PEMT: variants seen among roughly 807,000 people sequenced by gnomAD.
The protein encoded by PEMT is phosphatidylethanolamine N-methyltransferase.
In PEMT, 23 loss-of-function variants were observed where a neutral mutation model predicts 27.4. The observed-to-expected ratio is 0.84, with a 90% confidence interval of 0.60 to 1.19. The LOEUF (loss-of-function observed/expected upper bound fraction) is 1.19. PEMT is among the 50% of genes most tolerant of loss of function. The pLI is 0.00. For synonymous variants in PEMT, 137 were observed against 139.1 expected, an observed-to-expected ratio of 0.98 and a Z score of 0.11; for missense variants, 307 against 310.1, an observed-to-expected ratio of 0.99 and a Z score of 0.07.
intron 2 of PEMT, among the ~76,000 whole-genome samples, chr17:17,567,887 A>G (rs920075551): frequency 1.3e-5 from 2 of 152,236 alleles, no homozygotes; most frequent in African/African-American, 4.8e-5. Flanking sequence ...CTGGCAGAGG[A>G]CGACGCTTTC....
rs1212327046 is a variant in PEMT, at chr17:17,509,481, G to A, written c.531C>T (p.Asn177=). Residue 177 remains asparagine, a synonymous_variant, in exon 5 of 7, where the codon AAC becomes AAT. Transcript: ENST00000255389. The part of the protein sequence containing the change: ...VTVFPFNILD[N]PMYWGSTANY... Reference sequence around the variant, plus strand: ...TGGCTGTGCTTCCCCAGTACATGGGGTTGTCCAGGATGTTGAAGGGGAACA... The same window carrying A: ...TGGCTGTGCTTCCCCAGTACATGGGATTGTCCAGGATGTTGAAGGGGAACA... The A allele has an allele frequency of 1.9e-6, 3 of 1,614,020 alleles. No homozygotes were observed. Among genetic ancestry groups the A allele is most frequent in the East Asian group, 2.2e-5 (1 of 44,886 alleles).
chr17:17,575,038 T>C (rs11078389), intron 2 of PEMT, among the ~76,000 whole-genome samples: 85,901 of 152,136 alleles, frequency 0.56, 24,583 homozygotes, highest in Middle Eastern at 0.61. Flanking sequence ...AACAAATGAC[T>C]GCCAACTTAG....
chr17:17,568,690 A>G (rs1218882392), intron 2 of PEMT, among the ~76,000 whole-genome samples: 1 of 152,240 alleles, frequency 6.6e-6, no homozygotes, highest in Non-Finnish European at 1.5e-5. Context: ...AACGAGCCAT[A>G]GACCGCTGGC....
At chr17:17,573,912 G>C (rs1264500911) in intron 2 of PEMT, among the ~76,000 whole-genome samples, 3 of 152,080 alleles carry the variant, frequency 2.0e-5, no homozygotes, top group African/African-American at 7.2e-5. Flanking sequence ...CAACCCAGTA[G>C]CTGGGACTAC....
chr17:17,554,933 G>T (rs1199406405), intron 2 of PEMT, among the ~76,000 whole-genome samples: 1 of 152,026 alleles, frequency 6.6e-6, no homozygotes, highest in Non-Finnish European at 1.5e-5. Context: ...TTTTTTAAAG[G>T]TCCCACAGCA....
intron 1 of PEMT, among the ~76,000 whole-genome samples, chr17:17,587,680 AC>A (rs1445992463): frequency 2.6e-5 from 4 of 152,014 alleles, no homozygotes; most frequent in Admixed American, 6.6e-5. Context: ...CTGGCCAACA[AC>A]CCTGTCGCTA....
chr17:17,550,980 T>A (rs956249247), intron 2 of PEMT, among the ~76,000 whole-genome samples: 1 of 152,254 alleles, frequency 6.6e-6, no homozygotes, highest in Non-Finnish European at 1.5e-5. Context: ...AGATCTTGCA[T>A]GTACCTGCCC....
chr17:17,555,396 C>T (rs1019801124), intron 2 of PEMT, among the ~76,000 whole-genome samples: 1 of 152,240 alleles, frequency 6.6e-6, no homozygotes, highest in Non-Finnish European at 1.5e-5. Flanking sequence ...TCCCGAGCCT[C>T]GGCTCCCACC....
rs1531100 is a variant in PEMT, at chr17:17,561,514, G to A, written c.204+15406C>T. 0.45 allele frequency among the ~76,000 whole-genome samples: 67,970 copies of A among 152,010 alleles called. 15,764 individuals are homozygous for A. The highest frequency in any genetic ancestry group is 0.52 in the Middle Eastern group (153 of 294). The stretch of plus-strand genomic sequence containing the variant: ...GCCCGAGGGGGAAGCGGACGGTAAG[G>A]CTGGAGGTAGGAAGAGGGAACAGAC... On this transcript the variant is annotated intron_variant, in intron 2 of 6. Coordinates refer to ENST00000255389, the MANE Select transcript of PEMT (RefSeq NM_148172.3). The surrounding 1 kb of genome is among the most constrained non-coding windows in gnomAD (Gnocchi z 4.5).
chr17:17,584,522 G>T (rs1181653555), intron 1 of PEMT, among the ~76,000 whole-genome samples: 1 of 152,002 alleles, frequency 6.6e-6, no homozygotes, highest in Non-Finnish European at 1.5e-5. Context: ...GCCCAGTTTG[G>T]TCTGGAACTC....
At chr17:17,585,800 G>A (rs749101001) in intron 1 of PEMT, among the ~76,000 whole-genome samples, 1 of 151,680 alleles carries the variant, frequency 6.6e-6, no homozygotes, top group Admixed American at 6.6e-5. Flanking sequence ...AAAATTTGTC[G>A]GGCCGGGCGC....
chr17:17,524,611 A>T (rs1597888088), intron 2 of PEMT, among the ~76,000 whole-genome samples: 1 of 151,282 alleles, frequency 6.6e-6, no homozygotes, highest in African/African-American at 2.5e-5. Context: ...AAAAAAAAAA[A>T]AAAATAATAA....
rs1691124833 is a variant in PEMT, at chr17:17,523,020, TCTG to T, written c.205-628_205-626del. On this transcript the variant is annotated intron_variant, in intron 2 of 6. Transcript: ENST00000255389. This position sits in a 1 kb window ranked among gnomAD's most constrained non-coding sequence, Gnocchi z 4.8. The stretch of plus-strand genomic sequence containing the variant: ...TTTGTTTTTTTTCAAACTAATCACA[TCTG>T]GAATCTCAACATCTGGCCACCAACG... Among the ~76,000 whole-genome samples the T allele has an allele frequency of 6.6e-6, 1 of 152,084 alleles. No homozygotes were observed. Among genetic ancestry groups the T allele is most frequent in the African/African-American group, 2.4e-5 (1 of 41,406 alleles).
chr17:17,553,780 T>G (rs1487105339), intron 2 of PEMT, among the ~76,000 whole-genome samples: 3 of 152,256 alleles, frequency 2.0e-5, no homozygotes, highest in Non-Finnish European at 4.4e-5. Flanking sequence ...CGTGGAAAGC[T>G]GAGCCAAATC....
Position 17,505,777 on chromosome 17 carries a change from C to CT in PEMT, c.*13dup, listed in dbSNP as rs1567654235. 3.1e-6 allele frequency: 5 copies of CT among 1,606,034 alleles called. No homozygotes were observed. The East Asian group carries it at 1.1e-4, about 36-fold the overall frequency. On this transcript the variant is annotated 3_prime_UTR_variant, in exon 7 of 7. Coordinates refer to ENST00000255389, the MANE Select transcript of PEMT (RefSeq NM_148172.3). ...GAGGCTGGCCAGGCCTTCAGCAAAG[C>CT]TGTTGCAGCTCAATCAGCTCCTCTT...
intron 2 of PEMT, among the ~76,000 whole-genome samples, chr17:17,555,387 C>A (rs150659051): frequency 1.3e-3 from 203 of 152,332 alleles, no homozygotes; most frequent in African/African-American, 4.7e-3. Context: ...CGGCCCACCT[C>A]CCGAGCCTCG....
intron 3 of PEMT, chr17:17,518,264 GC>G: frequency 1.8e-6 from 1 of 565,476 alleles, no homozygotes; most frequent in Non-Finnish European, 2.2e-6. Context: ...GCCCGTTCGA[GC>G]CCTGCCTGGC....
chr17:17,534,802 G>A (rs1164197817), intron 2 of PEMT, among the ~76,000 whole-genome samples: 6 of 152,158 alleles, frequency 3.9e-5, no homozygotes, highest in East Asian at 1.9e-4. Context: ...CAGCCTGGGC[G>A]ACAGAGCAAG....
At chr17:17,573,530 A>G (rs1462788089) in intron 2 of PEMT, among the ~76,000 whole-genome samples, 1 of 152,142 alleles carries the variant, frequency 6.6e-6, no homozygotes, top group Non-Finnish European at 1.5e-5. Context: ...CATAAAAAAT[A>G]ATACAGTGTA....
Sources: gnomAD v4.1 joint callset for allele counts (sites outside exome capture counted in the v4.1 genomes callset) on GRCh38, gnomAD v4.1.1 for gene constraint, Gnocchi (gnomAD v3.1) non-coding constraint, MANE v1.5 for transcripts, NCBI Gene and HGNC (gene_info 2026-07-23, HGNC 2026-07-21) for gene names.